The following LAMA2 variants were observed in gnomAD, a reference collection of about 807,000 sequenced individuals.
The protein encoded by LAMA2 is laminin subunit alpha-2.
LAMA2 carries 269 observed loss-of-function variants against 364.8 expected under a neutral mutation model. The observed-to-expected ratio is 0.74, with a 90% CI of 0.67 to 0.82. The LOEUF (loss-of-function observed/expected upper bound fraction) is 0.82, where lower values mean the gene tolerates loss of function less well. Ranked by LOEUF, LAMA2 falls within the 40% of genes least tolerant of loss-of-function variation. LAMA2 has a pLI of 0.00. For synonymous variants in LAMA2, 1,379 were observed against 1,370.6 expected (o/e 1.01, Z -0.14); for missense variants, 3,807 against 3,873.2 (o/e 0.98, Z 0.45).
Position 129,465,206 on chromosome 6 carries a change from C to T in LAMA2, c.7217C>T (p.Ser2406Leu). Residue 2406 changes from serine (S) to leucine (L), a missense_variant, in exon 51 of 65, where the codon TCA becomes TTA. By Grantham distance (145) the Ser-to-Leu change is moderately radical. This residue lies in a region of LAMA2 where 3,333 missense variants were observed against 3,345.7 expected (regional missense o/e 1.00). Transcript: ENST00000421865. ...GHIKVSYDLG[S>L]GMASVVSNQN... ...ATAAAAGTCAGTTACGATCTGGGCT[C>T]AGGAATGGCTTCCGTTGTCAGCAAT... 6.2e-7 allele frequency: 1 copy of T among 1,610,974 alleles called. No individual in the cohort carries two copies. The highest frequency in any genetic ancestry group is 8.5e-7 in the Non-Finnish European group (1 of 1,177,694).
chr6:128,895,046 T>C (rs1261903819), intron 1 of LAMA2, among the ~76,000 whole-genome samples: 1 of 152,204 alleles, frequency 6.6e-6, no homozygotes, highest in African/African-American at 2.4e-5. Flanking sequence ...ACAAAATCTA[T>C]AGCCATATGA....
chr6:129,300,585 A>C lies in LAMA2; in HGVS notation c.3038-151A>C, dbSNP rs900299957. 8.0e-6 allele frequency: 6 copies of C among 746,826 alleles called. No individual in the cohort carries two copies. In the African/African-American group the frequency reaches 1.0e-4, roughly 13 times the overall value. The allele number at this position is 746,826 out of a possible 1,614,324, so 46.3% of individuals were successfully genotyped here. On this transcript the variant is annotated intron_variant, in intron 21 of 64. Coordinates refer to ENST00000421865, the MANE Select transcript of LAMA2 (RefSeq NM_000426.4). ...GAAATACATTGTACTATAATATAAA[A>C]GATGAATGAAGTAAGTTTTTATTTC...
rs531530402 is a variant in LAMA2 at position 129,418,715 on chromosome 6, A to G, written c.5866-9037A>G. Among the ~76,000 whole-genome samples the G allele has an allele frequency of 2.6e-5, 4 of 152,244 alleles. No individual in the cohort carries two copies. In the South Asian group the frequency reaches 8.3e-4, roughly 32 times the overall value. ...ATTAGATGATCTGGCTCCAAATTCA[A>G]TACATATTGTCTATGTAATTAGCTG... On this transcript the variant is annotated intron_variant, in intron 40 of 64. Transcript: ENST00000421865.
At chr6:129,297,985 T>C (rs910994091) in intron 21 of LAMA2, 120 bp downstream of exon 21, 42 of 670,638 alleles carry the variant, frequency 6.3e-5, no homozygotes, top group Non-Finnish European at 9.3e-5. Context: ...ACATAATGAG[T>C]AATGTCTACT....
At chr6:129,148,757 T>G (rs1778627838) in intron 6 of LAMA2, among the ~76,000 whole-genome samples, 2 of 152,090 alleles carry the variant, frequency 1.3e-5, no homozygotes, top group Admixed American at 6.6e-5. Context: ...CTTCTGAGCC[T>G]AAACCCAGTG....
chr6:129,440,541 CAA>C (rs1263905261), intron 42 of LAMA2, among the ~76,000 whole-genome samples: 3 of 152,058 alleles, frequency 2.0e-5, no homozygotes, highest in Non-Finnish European at 4.4e-5. Context: ...AGTTCAGCAG[CAA>C]ATCACAATAT....
At chr6:129,292,325 G>A (rs1221223201) in intron 20 of LAMA2, among the ~76,000 whole-genome samples, 1 of 152,158 alleles carries the variant, frequency 6.6e-6, no homozygotes, top group Non-Finnish European at 1.5e-5. Context: ...CAGCCTGGGC[G>A]ACCGAGTGAG....
At position 129,470,482 on chromosome 6, in the gene LAMA2, G is replaced by A. The variant is rs542212841; in HGVS notation, c.7301-2732G>A. 1.6e-3 allele frequency among the ~76,000 whole-genome samples: 242 copies of A among 151,836 alleles called. 1 individual carries two copies. Among genetic ancestry groups the A allele is most frequent in the African/African-American group, 5.6e-3 (231 of 41,460 alleles). ...AAACCTGAGATGTGGGCAAAGGAAG[G>A]GATATTATAAAACATCAACATTTTA... On this transcript the variant is annotated intron_variant, in intron 51 of 64. Coordinates refer to ENST00000421865, the MANE Select transcript of LAMA2 (RefSeq NM_000426.4).
chr6:129,034,173 T>G (rs1786441261), intron 1 of LAMA2, among the ~76,000 whole-genome samples: 1 of 152,144 alleles, frequency 6.6e-6, no homozygotes, highest in African/African-American at 2.4e-5. Context: ...TTAATCAAAC[T>G]CTAGATATGA....
chr6:129,474,066 A>G (rs1285456934), intron 52 of LAMA2, among the ~76,000 whole-genome samples: 1 of 151,738 alleles, frequency 6.6e-6, no homozygotes, highest in Non-Finnish European at 1.5e-5. Context: ...TTAGAATGGG[A>G]TTAATTGATT....
intron 1 of LAMA2, among the ~76,000 whole-genome samples, chr6:128,954,885 A>G (rs895274463): frequency 5.3e-5 from 8 of 151,886 alleles, no homozygotes; most frequent in African/African-American, 1.9e-4. Context: ...CTCCCCATAT[A>G]TATGTAAATT....
At position 129,252,100 on chromosome 6, in the gene LAMA2, T is replaced by A; in HGVS notation, c.1901T>A (p.Ile634Asn). 6.2e-7 allele frequency: 1 copy of A among 1,612,306 alleles called. No homozygotes were observed. Among genetic ancestry groups the A allele is most frequent in the African/African-American group, 1.3e-5 (1 of 74,972 alleles). ...CCCCTTTAGGGTAATGACTTGAGCA[T>A]CAGCACAGCCCAAGATGAGGTGTAC... ...MIILEGNDLS[I>N]STAQDEVYLH... Residue 634 changes from isoleucine (I) to asparagine (N), a missense_variant, in exon 14 of 65, where the codon ATC becomes AAC. Physicochemically the swap from Ile to Asn is moderately radical, Grantham distance 149. Transcript: ENST00000421865.
At chr6:129,173,749 G>C (rs936670066) in intron 9 of LAMA2, among the ~76,000 whole-genome samples, 1 of 152,130 alleles carries the variant, frequency 6.6e-6, no homozygotes, top group African/African-American at 2.4e-5. Flanking sequence ...GTAAGATGTG[G>C]TCTCATGGTT....
chr6:129,082,502 A>G (rs1774128560), intron 3 of LAMA2, among the ~76,000 whole-genome samples: 1 of 152,252 alleles, frequency 6.6e-6, no homozygotes, highest in South Asian at 2.1e-4. Flanking sequence ...TTCAACAAAA[A>G]CATTTATATA....
chr6:129,093,250 A>G (rs1774957700), intron 3 of LAMA2, among the ~76,000 whole-genome samples: 3 of 151,290 alleles, frequency 2.0e-5, no homozygotes, highest in African/African-American at 7.3e-5. Context: ...CAGCCTCCCA[A>G]AGTGCTGGGA....
rs539126558 is a variant in LAMA2, at chr6:129,098,989, T to C, written c.639+574T>C. Among the ~76,000 whole-genome samples, 42 of 152,284 alleles carry C rather than the reference T, an allele frequency of 2.8e-4. No homozygotes were observed. In the East Asian group the frequency reaches 7.9e-3, roughly 29 times the overall value. ...CTAGGTTACGTGCTTAGTTCAAATA[T>C]GTTCTTCTCCAGTGTCTGTCATCCT... On this transcript the variant is annotated intron_variant, in intron 4 of 64. Coordinates refer to ENST00000421865, the MANE Select transcript of LAMA2 (RefSeq NM_000426.4).
intron 28 of LAMA2, among the ~76,000 whole-genome samples, chr6:129,322,660 T>C (rs923616504): frequency 6.6e-6 from 1 of 152,230 alleles, no homozygotes; most frequent in South Asian, 2.1e-4. Context: ...GGTTGACCTT[T>C]AGATATCTTG....
rs1562647748 is a variant in LAMA2, at chr6:129,516,374, G to A, written c.*27G>A. 1 of 1,610,246 alleles carries A rather than the reference G, an allele frequency of 6.2e-7. No individual in the cohort carries two copies. Among genetic ancestry groups the A allele is most frequent in the South Asian group, 1.1e-5 (1 of 90,938 alleles). On this transcript the variant is annotated 3_prime_UTR_variant, in exon 65 of 65. Coordinates refer to ENST00000421865, the MANE Select transcript of LAMA2 (RefSeq NM_000426.4). ...AAAAATAAGTGTAACCCCAGGAAGA[G>A]TCTGTCAAAACAAGTATATCAAGTA... is the stretch of plus-strand genomic sequence containing the variant.
At chr6:129,199,940 G>A (rs1417509442) in intron 12 of LAMA2, among the ~76,000 whole-genome samples, 2 of 151,776 alleles carry the variant, frequency 1.3e-5, no homozygotes, top group African/African-American at 4.8e-5. Context: ...TTAGCCAGGT[G>A]TGGTGACAAA....
Sources: gnomAD v4.1 joint callset for allele counts (sites outside exome capture counted in the v4.1 genomes callset) on GRCh38, gnomAD v4.1.1 for gene constraint, gnomAD v4.1.1 regional missense constraint, MANE v1.5 for transcripts, NCBI Gene and HGNC (gene_info 2026-07-23, HGNC 2026-07-21) for gene names.